The following MRAP2 variants were observed in gnomAD, a reference collection of about 807,000 sequenced individuals.
MRAP2 encodes melanocortin 2 receptor accessory protein 2, also known as melanocortin-2 receptor accessory protein 2.
MRAP2 carries 20 observed loss-of-function variants against 17.4 expected under a neutral mutation model. The ratio of observed to expected loss-of-function variants is 1.15; its 90% confidence interval spans 0.81 to 1.67. MRAP2 has a LOEUF of 1.67. Among genes scored for constraint, MRAP2 ranks in the 40% most tolerant of loss-of-function variants. MRAP2 has a pLI of 0.00. For synonymous variants in MRAP2, 96 were observed against 88.4 expected (o/e 1.09, Z -0.48); for missense variants, 238 against 240.0 (o/e 0.99, Z 0.05).
At chr6:84,101,214 G>A in the MRAP2 span, among the ~76,000 whole-genome samples, 4 of 152,104 alleles carry the variant, frequency 2.6e-5, no homozygotes, top group Non-Finnish European at 2.9e-5. Flanking sequence ...CAGACCTACT[G>A]AATATACACT....
At chr6:84,036,325 G>C (rs1332172425) in intron 1 of MRAP2, among the ~76,000 whole-genome samples, 1 of 152,178 alleles carries the variant, frequency 6.6e-6, no homozygotes, top group Non-Finnish European at 1.5e-5. Flanking sequence ...AGGAGGCCTT[G>C]TTGAATAGAT....
downstream of MRAP2, among the ~76,000 whole-genome samples, chr6:84,091,285 C>T (rs146421043): frequency 4.6e-3 from 580 of 126,908 alleles, 1 homozygote; most frequent in African/African-American, 0.017. Flanking sequence ...CTTGCTCTGT[C>T]GCCCAGGCTG....
the MRAP2 span, among the ~76,000 whole-genome samples, chr6:84,096,453 C>T: frequency 6.6e-6 from 1 of 152,340 alleles, no homozygotes. Flanking sequence ...TTGGCCCACA[C>T]AGTACCCACA....
chr6:84,094,902 C>T (rs2099502407), downstream of MRAP2, among the ~76,000 whole-genome samples: 1 of 152,154 alleles, frequency 6.6e-6, no homozygotes, highest in Non-Finnish European at 1.5e-5. Context: ...TCTGAGTCCT[C>T]ACTTAGAGTT....
At chr6:84,079,963 A>G (rs571064310) in intron 3 of MRAP2, among the ~76,000 whole-genome samples, 1 of 151,862 alleles carries the variant, frequency 6.6e-6, no homozygotes, top group Non-Finnish European at 1.5e-5. Context: ...ATTCTTATTA[A>G]CAGGCACTCA....
chr6:84,106,831 T>G, the MRAP2 span, among the ~76,000 whole-genome samples: 1 of 152,146 alleles, frequency 6.6e-6, no homozygotes, highest in East Asian at 1.9e-4. Context: ...GCCCAATTTT[T>G]ACAGTTCAGT....
chr6:84,107,311 G>A, the MRAP2 span, among the ~76,000 whole-genome samples: 4 of 152,064 alleles, frequency 2.6e-5, no homozygotes, highest in South Asian at 2.1e-4. Flanking sequence ...TTGTAGGAGC[G>A]GCCAGAAGCA....
intron 3 of MRAP2, among the ~76,000 whole-genome samples, chr6:84,087,545 C>T (rs2129176190): frequency 6.6e-6 from 1 of 152,310 alleles, no homozygotes; most frequent in African/African-American, 2.4e-5. Context: ...GTTGCTGGCA[C>T]ACTCATCCCT....
At chr6:84,050,199 A>T (rs1470862274) in intron 1 of MRAP2, among the ~76,000 whole-genome samples, 1 of 152,174 alleles carries the variant, frequency 6.6e-6, no homozygotes, top group Non-Finnish European at 1.5e-5. Flanking sequence ...TCACAGAAAA[A>T]GAATCAGCAG....
In MRAP2 at chr6:84,061,197, A is replaced by G. The variant is rs73483231; in HGVS notation, c.128-1696A>G. Among the ~76,000 whole-genome samples, 1,289 of 152,296 alleles carry G rather than the reference A, an allele frequency of 8.5e-3. 13 individuals are homozygous for G. The highest frequency in any genetic ancestry group is 0.029 in the African/African-American group (1,189 of 41,540). On this transcript the variant is annotated intron_variant, in intron 2 of 3. Coordinates refer to ENST00000257776, the MANE Select transcript of MRAP2 (RefSeq NM_138409.4). ...TGTTAATCTGATTTCTTCACTTTGG[A>G]AAAAGTGCTACATATACATAATTTA...
the MRAP2 span, chr6:84,124,318 T>C: frequency 1.3e-5 from 2 of 152,014 alleles, no homozygotes; most frequent in African/African-American, 4.8e-5. Context: ...CCTAAGTATC[T>C]ACCAACAATT....
chr6:84,119,947 G>C, the MRAP2 span, among the ~76,000 whole-genome samples: 1 of 152,200 alleles, frequency 6.6e-6, no homozygotes, highest in Non-Finnish European at 1.5e-5. Flanking sequence ...GGGTTCTTTA[G>C]AGATGTAGAT....
chr6:84,114,952 G>A, the MRAP2 span, among the ~76,000 whole-genome samples: 2 of 152,172 alleles, frequency 1.3e-5, no homozygotes, highest in Non-Finnish European at 2.9e-5. Flanking sequence ...TGGAAGCTTC[G>A]TCCCAGAGGG....
chr6:84,070,948 G>A (rs1426729351), intron 3 of MRAP2, among the ~76,000 whole-genome samples: 1 of 152,006 alleles, frequency 6.6e-6, no homozygotes, highest in African/African-American at 2.4e-5. Context: ...TTAAGTTTTT[G>A]TGAGTCCTTA....
chr6:84,112,154 T>C, the MRAP2 span, among the ~76,000 whole-genome samples: 4 of 152,130 alleles, frequency 2.6e-5, no homozygotes, highest in African/African-American at 9.7e-5. Context: ...TTTTCTATTG[T>C]TTGGAATAGT....
At chr6:84,035,306 A>G in intron 1 of MRAP2, 1 of 455,328 alleles carries the variant, frequency 2.2e-6, no homozygotes, top group Non-Finnish European at 2.9e-6. Flanking sequence ...AAAAGAGGGA[A>G]ACATTGAATC....
the MRAP2 span, among the ~76,000 whole-genome samples, chr6:84,100,752 G>C: frequency 1.3e-5 from 2 of 151,938 alleles, no homozygotes; most frequent in Non-Finnish European, 2.9e-5. Context: ...TTCACATTTG[G>C]CTATATGTAC....
At chr6:84,048,531 A>G (rs1301012404) in intron 1 of MRAP2, among the ~76,000 whole-genome samples, 1 of 152,226 alleles carries the variant, frequency 6.6e-6, no homozygotes, top group Non-Finnish European at 1.5e-5. Context: ...AGTACAGACC[A>G]AGAAAAGCAA....
chr6:84,078,006 C>A (rs2129172787), intron 3 of MRAP2, among the ~76,000 whole-genome samples: 1 of 152,182 alleles, frequency 6.6e-6, no homozygotes, highest in Non-Finnish European at 1.5e-5. Flanking sequence ...ATTTAAATAG[C>A]CACATATTGG....
Sources: gnomAD v4.1 joint callset for allele counts (sites outside exome capture counted in the v4.1 genomes callset) on GRCh38, gnomAD v4.1.1 for gene constraint, MANE v1.5 for transcripts, NCBI Gene and HGNC (gene_info 2026-07-23, HGNC 2026-07-21) for gene names.